The following KIR3DL3 variants were observed in gnomAD, a reference collection of about 807,000 sequenced individuals.
KIR3DL3 encodes killer cell immunoglobulin-like receptor 3DL3.
Under a neutral mutation model 34.9 loss-of-function variants are expected in KIR3DL3, and 27 were observed. The observed-to-expected ratio is 0.77, with a 90% CI of 0.57 to 1.07. The LOEUF is 1.07. KIR3DL3 is among the 50% of genes least tolerant of loss of function. The pLI, the probability that KIR3DL3 is intolerant of heterozygous loss-of-function variation, is 0.00. For missense variants in KIR3DL3, 681 were observed against 528.5 expected (o/e 1.29, Z -2.83); for synonymous variants, 217 against 200.2 (o/e 1.08, Z -0.71).
At chr19:54,729,824 C>G in intron 5 of KIR3DL3, 38 bp downstream of exon 5, 2 of 1,571,150 alleles carry the variant, frequency 1.3e-6, no homozygotes, top group Non-Finnish European at 1.7e-6. Flanking sequence ...TCTTGTGATC[C>G]TAGAGCCATA....
Position 54,725,301 on chromosome 19 carries a change from C to A in KIR3DL3, c.70+19C>A, listed in dbSNP as rs531250098. On this transcript the variant is annotated intron_variant, in intron 2 of 7. Transcript: ENST00000291860. The stretch of plus-strand genomic sequence containing the variant: ...CATGTGGGTGAGTCCTTCCCCCAAA[C>A]CTTAGGTTGTCATCTCCCCACATAA... 247 of 1,553,166 alleles carry A rather than the reference C, an allele frequency of 1.6e-4. No homozygotes were observed. The highest frequency in any genetic ancestry group is 3.5e-4 in the Middle Eastern group (2 of 5,748).
chr19:54,726,345 G>A lies in KIR3DL3; in HGVS notation c.355+8G>A. The stretch of plus-strand genomic sequence containing the variant: ...TGGTGATCATGGTCACAGGTCAGAG[G>A]CTTTCTGTCTGGGCTTCTCACTGTC... On this transcript the variant is annotated splice_region_variant and intron_variant, in intron 3 of 7. Coordinates refer to ENST00000291860, the MANE Select transcript of KIR3DL3 (RefSeq NM_153443.5). 6.2e-7 allele frequency: 1 copy of A among 1,611,540 alleles called. No individual in the cohort carries two copies.
chr19:54,727,780 T>G lies in KIR3DL3; in HGVS notation c.525T>G (p.Gly175=). The change falls in exon 4 of 8, where the codon GGT becomes GGG. Residue 175 remains glycine, a synonymous_variant. Coordinates refer to ENST00000291860, the MANE Select transcript of KIR3DL3 (RefSeq NM_153443.5). ...TCGTTGGACAGCTCCACGATGCGGG[T>G]TCCCAGGTCAACTATTCCATGGGTC... ...LRLVGQLHDA[G]SQVNYSMGPM... is the part of the protein sequence containing the mutation. 1 of 1,613,600 alleles carries G rather than the reference T, an allele frequency of 6.2e-7. No individual in the cohort carries two copies. Among genetic ancestry groups the G allele is most frequent in the Admixed American group, 1.7e-5 (1 of 59,958 alleles).
chr19:54,725,945 G>A, intron 2 of KIR3DL3, 108 bp from the exon 3 acceptor site: 2 of 1,074,638 alleles, frequency 1.9e-6, no homozygotes, highest in South Asian at 3.0e-5. Context: ...GGGCACCCAG[G>A]TGTGGTAGGA....
At chr19:54,735,698 T>C in intron 6 of KIR3DL3, 122 bp from the exon 7 acceptor site, 3 of 1,049,162 alleles carry the variant, frequency 2.9e-6, no homozygotes, top group East Asian at 4.7e-5. Flanking sequence ...TGTCTGAGTC[T>C]GCTGTTGGCA....
chr19:54,727,794 A>G lies in KIR3DL3; in HGVS notation c.539A>G (p.Tyr180Cys). 1 of 1,613,790 alleles carries G rather than the reference A, an allele frequency of 6.2e-7. No individual in the cohort carries two copies. The highest frequency in any genetic ancestry group is 1.1e-5 in the South Asian group (1 of 91,072). The change falls in exon 4 of 8, where the codon TAT becomes TGT. Residue 180 changes from tyrosine to cysteine, a missense_variant. Coordinates refer to ENST00000291860, the MANE Select transcript of KIR3DL3 (RefSeq NM_153443.5). The part of the protein sequence containing the change: ...QLHDAGSQVN[Y>C]SMGPMTPALA... Reference sequence around the variant, plus strand: ...CACGATGCGGGTTCCCAGGTCAACTATTCCATGGGTCCCATGACACCTGCC... The same window carrying G: ...CACGATGCGGGTTCCCAGGTCAACTGTTCCATGGGTCCCATGACACCTGCC...
rs1288157042 is a variant in KIR3DL3, at chr19:54,736,218, C to T, written c.*122C>T. The T allele has an allele frequency of 1.5e-5, 20 of 1,350,900 alleles. No individual in the cohort carries two copies. The highest frequency in any genetic ancestry group is 1.9e-5 in the Non-Finnish European group (18 of 951,162). The allele number at this position is 1,350,900 out of a possible 1,614,324, so 83.7% of individuals were successfully genotyped here. A position where few individuals can be genotyped will look rare whatever the true frequency, so the allele number is the denominator to read the frequency against. ...CCCTGTCTCAAAACCGGGTTGCCAG[C>T]TCCCATGTACCAGCAGCTGGACTCT... On this transcript the variant is annotated 3_prime_UTR_variant, in exon 8 of 8. Coordinates refer to ENST00000291860, the MANE Select transcript of KIR3DL3 (RefSeq NM_153443.5).
intron 3 of KIR3DL3, among the ~76,000 whole-genome samples, chr19:54,727,050 G>A (rs113582651): frequency 7.3e-6 from 1 of 136,236 alleles, no homozygotes; most frequent in African/African-American, 2.8e-5. Context: ...AGCATGGGTG[G>A]GATACTGATG....
intron 4 of KIR3DL3, 54 bp from the exon 5 acceptor site, chr19:54,729,439 G>T: frequency 1.4e-6 from 2 of 1,408,138 alleles, no homozygotes; most frequent in East Asian, 2.4e-5. Context: ...CAGGTGTGAG[G>T]AGAGCTGTGA....
chr19:54,732,258 CT>C lies in KIR3DL3; in HGVS notation c.949+2483del, dbSNP rs139916853. Among the ~76,000 whole-genome samples the C allele has an allele frequency of 5.4e-3, 800 of 147,168 alleles. 10 individuals are homozygous for C. The highest frequency in any genetic ancestry group is 0.019 in the African/African-American group (775 of 40,028). On this transcript the variant is annotated intron_variant, in intron 5 of 7. Coordinates refer to ENST00000291860, the MANE Select transcript of KIR3DL3 (RefSeq NM_153443.5). The stretch of plus-strand genomic sequence containing the variant: ...TGTGTGTGTGTGTGTTTTTTGTTTT[CT>C]TTTTTTTTTTGAGTAGAGTCTCTCT...
chr19:54,730,569 C>G (rs2068691979), intron 5 of KIR3DL3, among the ~76,000 whole-genome samples: 1 of 151,544 alleles, frequency 6.6e-6, no homozygotes, highest in Non-Finnish European at 1.5e-5. Context: ...GAGAGACACT[C>G]TCTCAAAATT....
At chr19:54,725,036 A>G (rs2068003932) in intron 1 of KIR3DL3, among the ~76,000 whole-genome samples, 1 of 142,654 alleles carries the variant, frequency 7.0e-6, no homozygotes, top group Non-Finnish European at 1.5e-5. Context: ...CCTGGAGTGT[A>G]GATATGGGCC....
intron 2 of KIR3DL3, 138 bp downstream of exon 2, chr19:54,725,420 A>T (rs2068062060): frequency 1.4e-6 from 1 of 733,948 alleles, no homozygotes; most frequent in African/African-American, 1.8e-5. Flanking sequence ...TGAACTAGGA[A>T]AAGGAAGCCA....
intron 5 of KIR3DL3, among the ~76,000 whole-genome samples, chr19:54,733,641 T>C (rs1251908344): frequency 3.3e-5 from 5 of 152,252 alleles, no homozygotes; most frequent in Admixed American, 6.5e-5. Context: ...ATCTTATCCA[T>C]TAAACAATCA....
intron 5 of KIR3DL3, among the ~76,000 whole-genome samples, chr19:54,733,419 C>T (rs1379321423): frequency 6.6e-6 from 1 of 152,128 alleles, no homozygotes; most frequent in Non-Finnish European, 1.5e-5. Context: ...GTAATCCCAG[C>T]GACTGGGGAG....
At position 54,736,323 on chromosome 19, in the gene KIR3DL3, G is replaced by A. The variant is rs1306975121; in HGVS notation, c.*227G>A. 3 of 617,680 alleles carry A rather than the reference G, an allele frequency of 4.9e-6. No individual in the cohort carries two copies. The African/African-American group carries it at 6.7e-5, about 14-fold the overall frequency. 38.3% of individuals were successfully genotyped at this position (617,680 alleles called of 1,614,324 possible). ...ACATGCCTCTCTCTTGCTTACAAAT[G>A]TCTAAGGTCCCCACTGCCTGCTGGA... On this transcript the variant is annotated 3_prime_UTR_variant, in exon 8 of 8. Coordinates refer to ENST00000291860, the MANE Select transcript of KIR3DL3 (RefSeq NM_153443.5).
At position 54,727,825 on chromosome 19, in the gene KIR3DL3, A is replaced by C; in HGVS notation, c.570A>C (p.Ala190=). 1 of 1,614,020 alleles carries C rather than the reference A, an allele frequency of 6.2e-7. No individual in the cohort carries two copies. The highest frequency in any genetic ancestry group is 8.5e-7 in the Non-Finnish European group (1 of 1,180,012). The change falls in exon 4 of 8, where the codon GCA becomes GCC. Residue 190 remains alanine (A), a synonymous_variant. Coordinates refer to ENST00000291860, the MANE Select transcript of KIR3DL3 (RefSeq NM_153443.5). ...TGGGTCCCATGACACCTGCCCTTGC[A>C]GGGACCTACAGATGCTTTGGTTCTG... is the stretch of plus-strand genomic sequence containing the variant. ...YSMGPMTPAL[A]GTYRCFGSVT...
In KIR3DL3 at chr19:54,736,473, C is replaced by T. The variant is rs1158332399; in HGVS notation, c.*377C>T. 1 of 347,630 alleles carries T rather than the reference C, an allele frequency of 2.9e-6. No individual in the cohort carries two copies. 21.5% of individuals were successfully genotyped at this position (347,630 alleles called of 1,614,324 possible). A position where few individuals can be genotyped will look rare whatever the true frequency, so the allele number is the denominator to read the frequency against. ...GATCACACTGAGGAACTCACAATTC[C>T]AAACATATAAGAGGCTCCCTCTTAA... On this transcript the variant is annotated 3_prime_UTR_variant, in exon 8 of 8. Coordinates refer to ENST00000291860, the MANE Select transcript of KIR3DL3 (RefSeq NM_153443.5).
rs1306523442 is a variant in KIR3DL3, at chr19:54,726,080, C to T, written c.98C>T (p.Ala33Val). 2.5e-6 allele frequency: 4 copies of T among 1,612,930 alleles called. No homozygotes were observed. The highest frequency in any genetic ancestry group is 3.3e-5 in the Admixed American group (2 of 59,978). ...VGGQDKPFLSAWPGTVVSEGQ... is the reference protein window; with the variant it reads ...VGGQDKPFLSVWPGTVVSEGQ... ...GGTCAGGACAAGCCCTTCCTCTCTG[C>T]CTGGCCCGGCACTGTGGTGTCTGAA... Residue 33 changes from alanine to valine, a missense_variant, in exon 3 of 8, where the codon GCC (alanine) becomes GTC (valine). Physicochemically the swap from Ala to Val is moderately conservative, Grantham distance 64 (BLOSUM62 0). Transcript: ENST00000291860.
Sources: gnomAD v4.1 joint callset for allele counts (sites outside exome capture counted in the v4.1 genomes callset) on GRCh38, gnomAD v4.1.1 for gene constraint, MANE v1.5 for transcripts, NCBI Gene and HGNC (gene_info 2026-07-23, HGNC 2026-07-21) for gene names.